The following NAV3 variants were observed in gnomAD, a reference collection of about 807,000 sequenced individuals.
The protein encoded by NAV3 is neuron navigator 3.
Under a neutral mutation model 244.7 loss-of-function variants are expected in NAV3, and 87 were observed. That is an observed-to-expected ratio of 0.36 (90% confidence interval 0.30 to 0.42). The LOEUF (loss-of-function observed/expected upper bound fraction) is 0.42. Among genes scored for constraint, NAV3 ranks in the 20% least tolerant of loss-of-function variants. The pLI, the probability that NAV3 is intolerant of heterozygous loss-of-function variation, is 1.00. For missense variants in NAV3, 2,663 were observed against 2,893.3 expected (o/e 0.92, Z 1.83); for synonymous variants, 1,126 against 1,042.2 (o/e 1.08, Z -1.55).
chr12:78,153,221 G>C (rs979862991), intron 22 of NAV3, among the ~76,000 whole-genome samples: 4 of 151,990 alleles, frequency 2.6e-5, no homozygotes, highest in Non-Finnish European at 5.9e-5. Flanking sequence ...TTGCCCAAAT[G>C]GGGTATGGTA....
chr12:78,177,775 T>A (rs1393870014), intron 28 of NAV3, 90 bp downstream of exon 28: 34 of 1,173,356 alleles, frequency 2.9e-5, no homozygotes, highest in Non-Finnish European at 3.9e-5. Flanking sequence ...ATCACTCACA[T>A]GCATTTCAAC....
chr12:78,165,579 T>C (rs1457095941), intron 23 of NAV3, among the ~76,000 whole-genome samples: 1 of 151,612 alleles, frequency 6.6e-6, no homozygotes, highest in Non-Finnish European at 1.5e-5. Context: ...TCATCCAAAC[T>C]CCCCACTATG....
intron 1 of NAV3, among the ~76,000 whole-genome samples, chr12:77,835,673 A>T (rs1874501268): frequency 6.6e-6 from 1 of 152,172 alleles, no homozygotes; most frequent in Non-Finnish European, 1.5e-5. Context: ...GATGGCCTTT[A>T]AAGTTTCCTA....
At chr12:78,149,447 T>A (rs1956988488) in intron 22 of NAV3, among the ~76,000 whole-genome samples, 1 of 152,104 alleles carries the variant, frequency 6.6e-6, no homozygotes, top group East Asian at 1.9e-4. Flanking sequence ...AAGGGTACAC[T>A]TTTACTGGCA....
At chr12:77,610,222 GA>G in intron 2 of NAV3, among the ~76,000 whole-genome samples, 1 of 151,970 alleles carries the variant, frequency 6.6e-6, no homozygotes, top group Non-Finnish European at 1.5e-5. Flanking sequence ...TACCTTCTTT[GA>G]AAAATGCTCT....
intron 2 of NAV3, among the ~76,000 whole-genome samples, chr12:77,635,067 A>G (rs1318741514): frequency 1.3e-5 from 2 of 152,084 alleles, no homozygotes; most frequent in Non-Finnish European, 2.9e-5. Context: ...TGTCTCTACT[A>G]AGAACACAAA....
chr12:77,912,872 A>G (rs997000629), intron 1 of NAV3, among the ~76,000 whole-genome samples: 2 of 152,258 alleles, frequency 1.3e-5, no homozygotes, highest in Non-Finnish European at 1.5e-5. Context: ...TTGGCCTCCC[A>G]AAGTGCTGGG....
At chr12:78,153,637 T>C (rs118014597) in intron 22 of NAV3, among the ~76,000 whole-genome samples, 120 of 152,196 alleles carry the variant, frequency 7.9e-4, no homozygotes, top group Non-Finnish European at 1.4e-3. Context: ...ATTACATAAT[T>C]TGGAAATGGA....
intron 5 of NAV3, among the ~76,000 whole-genome samples, chr12:77,983,046 C>G (rs1466993192): frequency 6.6e-6 from 1 of 152,118 alleles, no homozygotes; most frequent in African/African-American, 2.4e-5. Flanking sequence ...TTAAAATTGT[C>G]ATAGCATATA....
chr12:77,719,222 G>A (rs185724688), intron 2 of NAV3, among the ~76,000 whole-genome samples: 39 of 151,842 alleles, frequency 2.6e-4, no homozygotes, highest in African/African-American at 8.9e-4. Flanking sequence ...AAATCTTTAG[G>A]GCTTTTTACA....
chr12:77,614,602 G>A (rs941023682), intron 2 of NAV3, among the ~76,000 whole-genome samples: 2 of 152,128 alleles, frequency 1.3e-5, no homozygotes. Context: ...ATGAGGTAGT[G>A]TTCACTTAGC....
intron 1 of NAV3, among the ~76,000 whole-genome samples, chr12:77,899,551 G>A (rs551248310): frequency 1.7e-4 from 26 of 152,244 alleles, no homozygotes; most frequent in East Asian, 9.7e-4. Flanking sequence ...ATTTTTAGAC[G>A]TAATACTCAT....
intron 1 of NAV3, among the ~76,000 whole-genome samples, chr12:77,912,269 A>G: frequency 6.6e-6 from 1 of 152,150 alleles, no homozygotes; most frequent in South Asian, 2.1e-4. Flanking sequence ...ATGAGAAGAC[A>G]GAAGTTTAGA....
rs768360774 is a variant in NAV3, at chr12:78,006,923, T to C, written c.1385T>C (p.Leu462Ser). ...AAAAATCTCAGCAATAAAAAGTCTT[T>C]GCTACAGCCAAAGGAAAAAGAAGAA... ...GSKNLSNKKS[L>S]LQPKEKEEKN... is the part of the protein sequence containing the mutation. Residue 462 changes from leucine to serine, a missense_variant, in exon 8 of 40, where the codon TTG (leucine) becomes TCG (serine). Around this residue, in one of 6 missense-constraint regions of NAV3, gnomAD observed 1,521 missense variants for 1,497.0 expected, o/e 1.02. Coordinates refer to ENST00000397909, the MANE Select transcript of NAV3 (RefSeq NM_001024383.2). 14 of 1,613,648 alleles carry C rather than the reference T, an allele frequency of 8.7e-6. No homozygotes were observed. The highest frequency in any genetic ancestry group is 7.7e-5 in the South Asian group (7 of 91,058).
At chr12:77,843,026 T>A (rs1565847553) in intron 1 of NAV3, among the ~76,000 whole-genome samples, 1 of 152,194 alleles carries the variant, frequency 6.6e-6, no homozygotes, top group Non-Finnish European at 1.5e-5. Context: ...TACCTTTTTT[T>A]TGGACAATTT....
intron 8 of NAV3, among the ~76,000 whole-genome samples, chr12:78,011,313 CAG>C (rs1875229027): frequency 6.6e-6 from 1 of 151,962 alleles, no homozygotes. Flanking sequence ...TACTGTGTAA[CAG>C]AAGATACAAA....
chr12:78,210,306 T>C (rs1409724495), intron 39 of NAV3, 92 bp from the exon 40 acceptor site: 5 of 1,563,732 alleles, frequency 3.2e-6, no homozygotes, highest in South Asian at 1.2e-5. Flanking sequence ...TGGGATAAGA[T>C]AGCTCTTCGG....
intron 5 of NAV3, among the ~76,000 whole-genome samples, chr12:77,976,291 A>G (rs999443802): frequency 6.6e-6 from 1 of 152,188 alleles, no homozygotes; most frequent in African/African-American, 2.4e-5. Flanking sequence ...GATAAAAATC[A>G]TGGAAAAATA....
intron 2 of NAV3, among the ~76,000 whole-genome samples, chr12:77,800,901 TTCA>T (rs1452132644): frequency 6.6e-6 from 1 of 152,116 alleles, no homozygotes; most frequent in Non-Finnish European, 1.5e-5. Flanking sequence ...TAGGACACTC[TTCA>T]TCACTTTTAA....
Sources: gnomAD v4.1 joint callset for allele counts (sites outside exome capture counted in the v4.1 genomes callset) on GRCh38, gnomAD v4.1.1 for gene constraint, gnomAD v4.1.1 regional missense constraint, MANE v1.5 for transcripts, NCBI Gene and HGNC (gene_info 2026-07-23, HGNC 2026-07-21) for gene names.